Variants in NTRK3 observed in about 807,000 individuals in gnomAD.
NTRK3 encodes the protein neurotrophic receptor tyrosine kinase 3.
In NTRK3, 24 loss-of-function variants were observed where a neutral mutation model predicts 91.7. The ratio of observed to expected loss-of-function variants is 0.26; its 90% CI spans 0.19 to 0.37. The LOEUF (loss-of-function observed/expected upper bound fraction) is 0.37. NTRK3 is among the 10% of genes least tolerant of loss of function. The probability of loss-of-function intolerance (pLI) is 1.00; values close to 1 mark genes in which losing one functional copy is unlikely to be tolerated. For missense variants in NTRK3, 880 were observed against 1,068.9 expected, an observed-to-expected ratio of 0.82 and a Z score of 2.46; for synonymous variants, 483 against 404.0, an observed-to-expected ratio of 1.20 and a Z score of -2.34.
chr15:87,982,981 C>T (rs2074421881), intron 14 of NTRK3, among the ~76,000 whole-genome samples: 1 of 152,204 alleles, frequency 6.6e-6, no homozygotes, highest in Non-Finnish European at 1.5e-5. Flanking sequence ...ACAGACCTCT[C>T]CTTCTCCTTC....
intron 13 of NTRK3, among the ~76,000 whole-genome samples, chr15:88,048,342 T>A (rs2080449570): frequency 6.6e-6 from 1 of 152,206 alleles, no homozygotes; most frequent in Non-Finnish European, 1.5e-5. Context: ...AAGTCCCATA[T>A]TCCTGACGGG....
chr15:87,982,618 G>A (rs955887351), intron 14 of NTRK3, among the ~76,000 whole-genome samples: 11 of 152,168 alleles, frequency 7.2e-5, no homozygotes, highest in Non-Finnish European at 2.9e-5. Flanking sequence ...TTTGGGAAAG[G>A]GAGGGACACT....
chr15:88,158,061 T>C (rs1304197029), intron 5 of NTRK3, among the ~76,000 whole-genome samples: 1 of 152,200 alleles, frequency 6.6e-6, no homozygotes, highest in Non-Finnish European at 1.5e-5. Flanking sequence ...CCTGTGACTC[T>C]GCGTGAGTTA....
chr15:88,184,974 G>T (rs1012450024), intron 3 of NTRK3, among the ~76,000 whole-genome samples: 3 of 152,218 alleles, frequency 2.0e-5, no homozygotes, highest in African/African-American at 7.2e-5. Context: ...GGCAGTGGAG[G>T]ACACAAACCC....
intron 14 of NTRK3, among the ~76,000 whole-genome samples, chr15:87,958,710 T>C (rs530601939): frequency 6.6e-6 from 1 of 152,134 alleles, no homozygotes; most frequent in East Asian, 1.9e-4. Flanking sequence ...CTTATCCTGC[T>C]GGCACCATCC....
chr15:88,144,186 C>T (rs1009256701), intron 6 of NTRK3: 7 of 152,210 alleles, frequency 4.6e-5, no homozygotes, highest in African/African-American at 7.2e-5. Context: ...TTGCCATAAC[C>T]AGAAACTTCT....
chr15:88,211,348 C>T (rs1475882538), intron 3 of NTRK3, among the ~76,000 whole-genome samples: 4 of 152,214 alleles, frequency 2.6e-5, no homozygotes, highest in African/African-American at 9.6e-5. Flanking sequence ...CAAAATGTCA[C>T]TCTTTTATGG....
At chr15:88,113,858 G>C (rs1178802693) in intron 13 of NTRK3, among the ~76,000 whole-genome samples, 2 of 140,868 alleles carry the variant, frequency 1.4e-5, no homozygotes, top group Non-Finnish European at 3.2e-5. Context: ...GAAAAAGTTG[G>C]CAAATTCCTG....
intron 14 of NTRK3, among the ~76,000 whole-genome samples, chr15:88,012,923 T>C (rs1158160159): frequency 6.6e-6 from 1 of 152,218 alleles, no homozygotes; most frequent in Admixed American, 6.5e-5. Context: ...TTCCAGTTAA[T>C]GCTGATGCTG....
chr15:88,064,623 C>T (rs1011228574), intron 13 of NTRK3, among the ~76,000 whole-genome samples: 1 of 152,160 alleles, frequency 6.6e-6, no homozygotes, highest in Non-Finnish European at 1.5e-5. Flanking sequence ...GGTTTCTATG[C>T]CCATAGCTAC....
rs754499799 is a variant in NTRK3, at chr15:88,163,640, T to C, written c.396-16237A>G. Among the ~76,000 whole-genome samples the C allele has an allele frequency of 7.9e-5, 12 of 152,332 alleles. No individual in the cohort carries two copies. The East Asian group carries it at 9.6e-4, about 12-fold the overall frequency. On this transcript the variant is annotated intron_variant, in intron 5 of 18. Transcript: ENST00000394480. ...AGAGTAGGTGCTTAGTAGATGTTTA[T>C]TGAATGAGCCCAAGCATAAATGGAG...
intron 9 of NTRK3, 29 bp from the exon 10 acceptor site, chr15:88,135,426 A>G (rs773404954): frequency 2.7e-5 from 44 of 1,608,596 alleles, no homozygotes; most frequent in Non-Finnish European, 3.5e-5. Context: ...GCTGAAATCC[A>G]GGACACAGAG....
chr15:88,078,230 T>C (rs1050639334), intron 13 of NTRK3, among the ~76,000 whole-genome samples: 1 of 152,174 alleles, frequency 6.6e-6, no homozygotes, highest in Non-Finnish European at 1.5e-5. Context: ...TATTGTATGT[T>C]CTGGGGGTAG....
intron 14 of NTRK3, among the ~76,000 whole-genome samples, chr15:87,944,366 G>A (rs1325127491): frequency 1.3e-5 from 2 of 152,204 alleles, no homozygotes; most frequent in African/African-American, 4.8e-5. Flanking sequence ...GGAAACAGTA[G>A]GGCAAAGGGA....
rs140405603 is a variant in NTRK3 at position 88,195,064 on chromosome 15, G to T, written c.249-10765C>A. On this transcript the variant is annotated intron_variant, in intron 3 of 18. Transcript: ENST00000394480. ...GCCCCCCAGGCTTGGGTTGTCTGAA[G>T]ACATCAGTTTTGATTGTCACTATTG... Among the ~76,000 whole-genome samples the T allele has an allele frequency of 6.8e-3, 1,037 of 152,326 alleles. 14 individuals are homozygous for T. The highest frequency in any genetic ancestry group is 0.024 in the African/African-American group (991 of 41,578).
At chr15:88,248,769 G>A (rs988735397) in intron 3 of NTRK3, among the ~76,000 whole-genome samples, 5 of 152,166 alleles carry the variant, frequency 3.3e-5, no homozygotes, top group African/African-American at 1.2e-4. Context: ...ATTAGCCTTA[G>A]AGTGCTTGGC....
chr15:88,130,225 G>T (rs751080514), intron 10 of NTRK3, among the ~76,000 whole-genome samples: 3 of 152,148 alleles, frequency 2.0e-5, no homozygotes, highest in African/African-American at 7.2e-5. Context: ...ATATCCATGA[G>T]TCCATATTGA....
At position 87,915,758 on chromosome 15, in the gene NTRK3, G is replaced by T. The variant is rs182347894; in HGVS notation, c.2133+13433C>A. ...TTACATAGAATAATAGCCATCTATTGGGTGCCTAATGGGTACTGGCAATTT... is the reference window on the plus strand; with the variant it reads ...TTACATAGAATAATAGCCATCTATTTGGTGCCTAATGGGTACTGGCAATTT... On this transcript the variant is annotated intron_variant, in intron 17 of 18. Coordinates refer to ENST00000394480, the Ensembl canonical transcript of NTRK3. Among the ~76,000 whole-genome samples the T allele has an allele frequency of 5.1e-3, 778 of 152,192 alleles. 6 individuals carry two copies. The highest frequency in any genetic ancestry group is 0.018 in the African/African-American group (751 of 41,526).
At chr15:88,131,552 G>A (rs1307474854) in intron 10 of NTRK3, among the ~76,000 whole-genome samples, 2 of 152,216 alleles carry the variant, frequency 1.3e-5, no homozygotes, top group Admixed American at 6.5e-5. Context: ...GGCAGGGGGA[G>A]GATGGAGGAA....
Sources: gnomAD v4.1 joint callset for allele counts (sites outside exome capture counted in the v4.1 genomes callset) on GRCh38, gnomAD v4.1.1 for gene constraint, MANE v1.5 for transcripts, NCBI Gene and HGNC (gene_info 2026-07-23, HGNC 2026-07-21) for gene names.